PRKAR2B: variants seen among roughly 807,000 people sequenced by gnomAD.
PRKAR2B encodes the protein cAMP-dependent protein kinase type II-beta regulatory subunit.
In PRKAR2B, 14 loss-of-function variants were observed where a neutral mutation model predicts 49.9. The ratio of observed to expected loss-of-function variants is 0.28; its 90% CI spans 0.19 to 0.44. The LOEUF is 0.44. Ranked by LOEUF, PRKAR2B falls within the 20% of genes least tolerant of loss-of-function variation. The pLI is 1.00. For missense variants in PRKAR2B, 393 were observed against 537.9 expected (o/e 0.73, Z 2.67); for synonymous variants, 196 against 197.7 (o/e 0.99, Z 0.07).
At chr7:107,074,249 G>A (rs1300626434) in intron 2 of PRKAR2B, among the ~76,000 whole-genome samples, 4 of 151,716 alleles carry the variant, frequency 2.6e-5, no homozygotes, top group Non-Finnish European at 5.9e-5. Flanking sequence ...GACTACAGGT[G>A]TACGCCACCA....
intron 7 of PRKAR2B, 131 bp downstream of exon 7, chr7:107,151,154 A>G (rs1466733714): frequency 7.7e-6 from 4 of 520,902 alleles, no homozygotes; most frequent in Admixed American, 8.5e-5. Context: ...AAAAGATTAA[A>G]TGGTAGTGCT....
chr7:107,053,907 G>A (rs1326155076), intron 1 of PRKAR2B, among the ~76,000 whole-genome samples: 2 of 152,160 alleles, frequency 1.3e-5, no homozygotes, highest in Non-Finnish European at 2.9e-5. Context: ...AGTATTTCAG[G>A]TTATTTTGTT....
chr7:107,146,236 C>G lies in PRKAR2B; in HGVS notation c.588-72C>G, dbSNP rs375894685. On this transcript the variant is annotated intron_variant, in intron 5 of 10. Transcript: ENST00000265717. Reference sequence around the variant, plus strand: ...AATAAGATTTTTATTTCACAGGGCTCTTTTCTGAAATAATGTTTTATTTTA... The same window carrying G: ...AATAAGATTTTTATTTCACAGGGCTGTTTTCTGAAATAATGTTTTATTTTA... 178 of 1,471,790 alleles carry G rather than the reference C, an allele frequency of 1.2e-4. 1 individual carries two copies. In the East Asian group the frequency reaches 3.2e-3, roughly 26 times the overall value. The allele number at this position is 1,471,790 out of a possible 1,614,324, so 91.2% of individuals were successfully genotyped here.
intron 2 of PRKAR2B, among the ~76,000 whole-genome samples, chr7:107,100,929 T>C (rs79579403): frequency 0.031 from 4,741 of 152,110 alleles, 90 homozygotes; most frequent in Non-Finnish European, 0.048. Context: ...AACATATTTA[T>C]AATAGCTGCC....
chr7:107,125,564 G>A (rs537274350), intron 3 of PRKAR2B, among the ~76,000 whole-genome samples: 189 of 152,250 alleles, frequency 1.2e-3, no homozygotes, highest in African/African-American at 4.4e-3. Flanking sequence ...ATGTAGGAGA[G>A]CATCTTCAGA....
intron 2 of PRKAR2B, among the ~76,000 whole-genome samples, chr7:107,089,629 A>G (rs1263658092): frequency 6.6e-6 from 1 of 152,254 alleles, no homozygotes; most frequent in East Asian, 1.9e-4. Context: ...TTCTAAAAAC[A>G]ATAAAGCTAT....
chr7:107,050,608 T>C (rs2707375), intron 1 of PRKAR2B, among the ~76,000 whole-genome samples: 25,630 of 152,012 alleles, frequency 0.17, 4,625 homozygotes, highest in African/African-American at 0.46. Context: ...TTGTCAGTAG[T>C]AGTAGTAATA....
chr7:107,111,866 A>G (rs937195888), intron 2 of PRKAR2B, among the ~76,000 whole-genome samples: 5 of 151,894 alleles, frequency 3.3e-5, no homozygotes, highest in East Asian at 1.9e-4. Flanking sequence ...AAAAAAGTCT[A>G]TTCTAAACTC....
intron 5 of PRKAR2B, among the ~76,000 whole-genome samples, chr7:107,141,340 G>A (rs953693155): frequency 6.6e-6 from 1 of 152,162 alleles, no homozygotes; most frequent in African/African-American, 2.4e-5. Flanking sequence ...ACCTCAATTG[G>A]TATTTCTTAA....
intron 4 of PRKAR2B, among the ~76,000 whole-genome samples, chr7:107,128,529 G>A (rs1290276674): frequency 6.6e-6 from 1 of 152,164 alleles, no homozygotes; most frequent in African/African-American, 2.4e-5. Flanking sequence ...TGAGGTGTTT[G>A]TCCTGTGGAA....
intron 1 of PRKAR2B, among the ~76,000 whole-genome samples, chr7:107,055,310 T>C (rs1300024983): frequency 6.6e-6 from 1 of 152,234 alleles, no homozygotes; most frequent in African/African-American, 2.4e-5. Context: ...TGTTTTATAA[T>C]CCTTTGGGTA....
intron 2 of PRKAR2B, among the ~76,000 whole-genome samples, chr7:107,098,643 G>A (rs755291652): frequency 2.6e-5 from 4 of 152,146 alleles, no homozygotes; most frequent in Non-Finnish European, 5.9e-5. Flanking sequence ...CCCCATCTTT[G>A]TGGTTTATCT....
chr7:107,118,012 C>T (rs1292270517), intron 2 of PRKAR2B, among the ~76,000 whole-genome samples: 1 of 152,070 alleles, frequency 6.6e-6, no homozygotes, highest in East Asian at 1.9e-4. Flanking sequence ...GTTGAATTGC[C>T]AAACAAAAAG....
At chr7:107,129,461 G>A (rs891940886) in intron 4 of PRKAR2B, among the ~76,000 whole-genome samples, 1 of 152,120 alleles carries the variant, frequency 6.6e-6, no homozygotes, top group African/African-American at 2.4e-5. Flanking sequence ...GCATCACTCT[G>A]TAAGTAGCAG....
chr7:107,093,186 G>A (rs533148117), intron 2 of PRKAR2B, among the ~76,000 whole-genome samples: 3 of 152,156 alleles, frequency 2.0e-5, no homozygotes, highest in African/African-American at 7.2e-5. Flanking sequence ...GAATATGGAC[G>A]TACAGATATC....
At chr7:107,120,287 C>A (rs547901249) in intron 2 of PRKAR2B, among the ~76,000 whole-genome samples, 2 of 152,228 alleles carry the variant, frequency 1.3e-5, no homozygotes, top group East Asian at 3.9e-4. Flanking sequence ...CCCTCTAACC[C>A]CCTATAGTTG....
At chr7:107,126,352 C>T (rs1475752601) in intron 3 of PRKAR2B, among the ~76,000 whole-genome samples, 3 of 137,920 alleles carry the variant, frequency 2.2e-5, no homozygotes, top group South Asian at 2.3e-4. Context: ...ACCCGGGAGG[C>T]GGAGATTGCA....
At chr7:107,155,551 A>G (rs1217888500) in intron 8 of PRKAR2B, among the ~76,000 whole-genome samples, 1 of 152,182 alleles carries the variant, frequency 6.6e-6, no homozygotes, top group East Asian at 1.9e-4. Context: ...TGACTTTTTA[A>G]TAATTGCCAT....
chr7:107,144,075 T>C (rs1041094031), intron 5 of PRKAR2B, among the ~76,000 whole-genome samples: 5 of 150,552 alleles, frequency 3.3e-5, no homozygotes, highest in African/African-American at 1.2e-4. Flanking sequence ...TTTATTTATT[T>C]ATTTATTTAT....
Sources: gnomAD v4.1 joint callset for allele counts (sites outside exome capture counted in the v4.1 genomes callset) on GRCh38, gnomAD v4.1.1 for gene constraint, MANE v1.5 for transcripts, NCBI Gene and HGNC (gene_info 2026-07-23, HGNC 2026-07-21) for gene names.